GRIN2B: variants seen among roughly 807,000 people sequenced by gnomAD.
GRIN2B encodes the protein glutamate receptor ionotropic, NMDA 2B.
A neutral mutation model predicts 114.5 loss-of-function variants in GRIN2B; 5 were observed. That is an observed-to-expected ratio of 0.04 (90% CI 0.02 to 0.09). GRIN2B has a LOEUF of 0.09. Ranked by LOEUF, GRIN2B falls within the 10% of genes least tolerant of loss-of-function variation. The pLI is 1.00. For missense variants in GRIN2B, 1,108 were observed against 1,943.5 expected, an observed-to-expected ratio of 0.57 and a Z score of 8.08; for synonymous variants, 787 against 745.1, an observed-to-expected ratio of 1.06 and a Z score of -0.92.
At chr12:13,776,127 G>A (rs1347889532) in intron 3 of GRIN2B, among the ~76,000 whole-genome samples, 1 of 152,156 alleles carries the variant, frequency 6.6e-6, no homozygotes, top group Non-Finnish European at 1.5e-5. Context: ...TTCTTGGCAA[G>A]GACATGGATG....
intron 3 of GRIN2B, among the ~76,000 whole-genome samples, chr12:13,776,804 C>A (rs935721178): frequency 8.5e-5 from 13 of 152,236 alleles, no homozygotes; most frequent in Admixed American, 2.6e-4. Flanking sequence ...ACATGATTAT[C>A]AAAGCAAGGC....
At chr12:13,807,709 C>CTTTTTTTTTTTT (rs71067726) in intron 3 of GRIN2B, among the ~76,000 whole-genome samples, 1 of 77,388 alleles carries the variant, frequency 1.3e-5, no homozygotes. Context: ...AAGCAGAAGG[C>CTTTTTTTTTTTT]TTTTTTTTTT....
chr12:13,648,376 C>T (rs1203795993), intron 5 of GRIN2B, among the ~76,000 whole-genome samples: 1 of 151,938 alleles, frequency 6.6e-6, no homozygotes, highest in Non-Finnish European at 1.5e-5. Flanking sequence ...AATAACTAAA[C>T]AACCTTACAG....
Position 13,563,220 on chromosome 12 carries a change from A to T in GRIN2B, c.4018T>A (p.Phe1340Ile). 6.2e-7 allele frequency: 1 copy of T among 1,614,194 alleles called. No individual in the cohort carries two copies. Among genetic ancestry groups the T allele is most frequent in the Non-Finnish European group, 8.5e-7 (1 of 1,180,024 alleles). ...GTGCTCTCGCCAGCTGACATCTCAA[A>T]CATGTGGGCGTAGGGGCTCCCATCC... ...FMDGSPYAHM[F>I]EMSAGESTFA... Residue 1340 changes from phenylalanine to isoleucine, a missense_variant, in exon 14 of 14, where the codon TTT (phenylalanine) becomes ATT (isoleucine). Phe to Ile is a conservative substitution (Grantham distance 21). Transcript: ENST00000609686.
intron 3 of GRIN2B, among the ~76,000 whole-genome samples, chr12:13,863,498 T>C (rs542688345): frequency 3.9e-4 from 59 of 152,314 alleles, no homozygotes; most frequent in African/African-American, 1.4e-3. Flanking sequence ...AGCTGTAGCA[T>C]TTTGGATATG....
chr12:13,841,991 T>G (rs1336481174), intron 3 of GRIN2B, among the ~76,000 whole-genome samples: 1 of 152,122 alleles, frequency 6.6e-6, no homozygotes, highest in African/African-American at 2.4e-5. Flanking sequence ...GTCTGCAAAT[T>G]GAGAAATCAG....
intron 2 of GRIN2B, among the ~76,000 whole-genome samples, chr12:13,973,559 C>T (rs927486968): frequency 5.9e-5 from 9 of 152,142 alleles, no homozygotes; most frequent in African/African-American, 1.9e-4. Context: ...GCCCTGCTTC[C>T]CCTCCACCGC....
intron 2 of GRIN2B, among the ~76,000 whole-genome samples, chr12:13,940,510 T>A (rs2136834956): frequency 6.6e-6 from 1 of 151,558 alleles, no homozygotes; most frequent in East Asian, 1.9e-4. Flanking sequence ...AATGACGAAG[T>A]GGGAGAAAAG....
intron 3 of GRIN2B, among the ~76,000 whole-genome samples, chr12:13,755,391 T>C (rs1863559309): frequency 6.6e-6 from 1 of 152,190 alleles, no homozygotes; most frequent in African/African-American, 2.4e-5. Flanking sequence ...CAGCTTGAAC[T>C]TTTCACATTT....
chr12:13,978,231 C>A (rs1006600661), intron 2 of GRIN2B, among the ~76,000 whole-genome samples: 1 of 152,166 alleles, frequency 6.6e-6, no homozygotes, highest in Non-Finnish European at 1.5e-5. Flanking sequence ...ATTTTGAAGT[C>A]AAATTAAGAG....
At chr12:13,792,890 A>T (rs944382861) in intron 3 of GRIN2B, among the ~76,000 whole-genome samples, 1 of 152,114 alleles carries the variant, frequency 6.6e-6, no homozygotes, top group Non-Finnish European at 1.5e-5. Flanking sequence ...CCTCCTGAGA[A>T]CTCCCCACAG....
chr12:13,844,516 A>T (rs1229795015), intron 3 of GRIN2B, among the ~76,000 whole-genome samples: 1 of 152,220 alleles, frequency 6.6e-6, no homozygotes, highest in Non-Finnish European at 1.5e-5. Context: ...AATCCTCTGC[A>T]TTCCATTTGA....
intron 10 of GRIN2B, among the ~76,000 whole-genome samples, chr12:13,600,074 A>G (rs370307821): frequency 1.4e-3 from 217 of 152,334 alleles, no homozygotes; most frequent in African/African-American, 5.0e-3. Flanking sequence ...TAGTTTGCAT[A>G]GTTGCATTAA....
chr12:13,787,661 T>G (rs1164445922), intron 3 of GRIN2B, among the ~76,000 whole-genome samples: 1 of 152,238 alleles, frequency 6.6e-6, no homozygotes, highest in Non-Finnish European at 1.5e-5. Flanking sequence ...TATGGTCGTT[T>G]AAGCCTGTAA....
At chr12:13,928,131 T>C (rs1565589935) in intron 2 of GRIN2B, among the ~76,000 whole-genome samples, 1 of 151,436 alleles carries the variant, frequency 6.6e-6, no homozygotes, top group Admixed American at 6.6e-5. Context: ...GCCAACATGG[T>C]GAAACCCTGT....
chr12:13,675,234 GAC>G (rs1263077284), intron 5 of GRIN2B, among the ~76,000 whole-genome samples: 2 of 152,124 alleles, frequency 1.3e-5, no homozygotes, highest in East Asian at 3.9e-4. Context: ...ATTGGACCTA[GAC>G]AGTCTGGTGC....
chr12:13,880,333 G>A (rs1169677544), intron 2 of GRIN2B, among the ~76,000 whole-genome samples: 1 of 152,224 alleles, frequency 6.6e-6, no homozygotes, highest in Non-Finnish European at 1.5e-5. Flanking sequence ...CCAGGAGCAA[G>A]AGCCCACGGA....
intron 3 of GRIN2B, among the ~76,000 whole-genome samples, chr12:13,764,677 ATTTG>A (rs1333657725): frequency 6.6e-6 from 1 of 152,182 alleles, no homozygotes; most frequent in Non-Finnish European, 1.5e-5. Context: ...TTATTTTGAA[ATTTG>A]TTTACTTGTT....
intron 4 of GRIN2B, among the ~76,000 whole-genome samples, chr12:13,739,205 A>C (rs2136613984): frequency 6.6e-6 from 1 of 151,634 alleles, no homozygotes; most frequent in East Asian, 1.9e-4. Flanking sequence ...ACATGGAAAA[A>C]CCCTGTCTCT....
Sources: allele counts gnomAD v4.1 joint callset (sites outside exome capture counted in the v4.1 genomes callset), GRCh38; gene constraint gnomAD v4.1.1; transcripts MANE v1.5; gene names NCBI Gene and HGNC (gene_info 2026-07-23, HGNC 2026-07-21).